PAFAH2: variants seen among roughly 807,000 people sequenced by gnomAD.
The protein encoded by PAFAH2 is platelet activating factor acetylhydrolase 2, also known as platelet-activating factor acetylhydrolase 2, cytoplasmic.
PAFAH2 carries 42 observed loss-of-function variants against 49.0 expected under a neutral mutation model. That is an observed-to-expected ratio of 0.86 (90% CI 0.67 to 1.11). PAFAH2 has a LOEUF of 1.11. Ranked by LOEUF, PAFAH2 falls within the 50% of genes least tolerant of loss-of-function variation. The probability of loss-of-function intolerance (pLI) is 0.00; values close to 1 mark genes in which losing one functional copy is unlikely to be tolerated. For synonymous variants in PAFAH2, 184 were observed against 181.3 expected (o/e 1.01, Z -0.12); for missense variants, 503 against 501.8 (o/e 1.00, Z -0.02).
At chr1:25,963,458 G>A (rs1234017399) in intron 10 of PAFAH2, among the ~76,000 whole-genome samples, 2 of 152,146 alleles carry the variant, frequency 1.3e-5, no homozygotes, top group East Asian at 3.9e-4. Flanking sequence ...CACTGGTGGT[G>A]GCCAGGGGTT....
chr1:25,993,324 T>C (rs2124372317), intron 1 of PAFAH2, among the ~76,000 whole-genome samples: 2 of 152,300 alleles, frequency 1.3e-5, no homozygotes, highest in Middle Eastern at 3.4e-3. Flanking sequence ...AAAGCATGTC[T>C]GGGTAAGAAG....
intron 10 of PAFAH2, among the ~76,000 whole-genome samples, chr1:25,968,323 AC>A (rs1275030962): frequency 1.3e-5 from 2 of 152,158 alleles, no homozygotes; most frequent in African/African-American, 4.8e-5. Flanking sequence ...AGCTGATTAT[AC>A]ACAGGAAGGT....
At chr1:25,997,656 AAGAGT>A (rs1258649497) in intron 1 of PAFAH2, 11 of 152,490 alleles carry the variant, frequency 7.2e-5, no homozygotes, top group Admixed American at 5.9e-4. Flanking sequence ...AACTGAGAGT[AAGAGT>A]AAAGTACACA....
intron 4 of PAFAH2, among the ~76,000 whole-genome samples, chr1:25,987,961 T>C (rs746188235): frequency 5.9e-5 from 9 of 152,030 alleles, no homozygotes; most frequent in Non-Finnish European, 8.8e-5. Flanking sequence ...GGCTATCACA[T>C]AGGAGGAAAG....
chr1:25,973,880 A>G (rs12080982), intron 9 of PAFAH2, among the ~76,000 whole-genome samples: 1,815 of 152,322 alleles, frequency 0.012, 32 homozygotes, highest in African/African-American at 0.041. Flanking sequence ...TCTGTGGCTC[A>G]ATATCACCTC....
At chr1:25,977,194 T>G (rs2049606195) in intron 7 of PAFAH2, among the ~76,000 whole-genome samples, 1 of 150,784 alleles carries the variant, frequency 6.6e-6, no homozygotes, top group Admixed American at 6.6e-5. Context: ...GGCTAATTTT[T>G]TGTATTTTTA....
intron 4 of PAFAH2, 95 bp from the exon 5 acceptor site, chr1:25,984,623 G>T: frequency 1.1e-6 from 1 of 935,688 alleles, no homozygotes; most frequent in Non-Finnish European, 1.7e-6. Context: ...CCATCTTGTG[G>T]AATTACCACA....
intron 1 of PAFAH2, among the ~76,000 whole-genome samples, chr1:25,991,975 T>C (rs1225302295): frequency 1.3e-5 from 2 of 152,160 alleles, no homozygotes; most frequent in Admixed American, 6.5e-5. Context: ...CTTCCCAAGT[T>C]ACCCAGTGGC....
intron 9 of PAFAH2, 48 bp from the exon 10 acceptor site, chr1:25,972,760 A>G (rs2049529691): frequency 6.2e-7 from 1 of 1,607,200 alleles, no homozygotes; most frequent in Non-Finnish European, 8.5e-7. Flanking sequence ...GCTAGGGCAT[A>G]CAGATGTGTG....
intron 4 of PAFAH2, among the ~76,000 whole-genome samples, chr1:25,985,466 C>T (rs183157276): frequency 3.9e-5 from 6 of 152,320 alleles, no homozygotes; most frequent in African/African-American, 1.4e-4. Flanking sequence ...TGGAATTTCA[C>T]TCTGGTTAAT....
intron 7 of PAFAH2, among the ~76,000 whole-genome samples, chr1:25,981,095 T>TA (rs1423863188): frequency 1.4e-4 from 21 of 152,210 alleles, no homozygotes; most frequent in African/African-American, 4.8e-5. Flanking sequence ...ACCCTGTCTC[T>TA]AAAAAAATTT....
In PAFAH2 at chr1:25,960,161, T is replaced by C. The variant is rs1304776901; in HGVS notation, c.*1828A>G. The C allele has an allele frequency of 2.0e-5, 3 of 152,206 alleles. No homozygotes were observed. The East Asian group carries it at 5.8e-4, about 29-fold the overall frequency. 9.4% of individuals were successfully genotyped at this position (152,206 alleles called of 1,614,324 possible). A position where few individuals can be genotyped will look rare whatever the true frequency, so the allele number is the denominator to read the frequency against. Reference sequence around the variant, plus strand: ...GCCCAGGGCTTTAATGATACCCTTCTTATGCTATGTCTCATGGGAATTCAA... The same window carrying C: ...GCCCAGGGCTTTAATGATACCCTTCCTATGCTATGTCTCATGGGAATTCAA... On this transcript the variant is annotated 3_prime_UTR_variant, in exon 11 of 11. Transcript: ENST00000374282.
chr1:25,967,306 G>A, intron 10 of PAFAH2, among the ~76,000 whole-genome samples: 1 of 152,176 alleles, frequency 6.6e-6, no homozygotes, highest in East Asian at 1.9e-4. Context: ...AACGAAGAAG[G>A]AAAAGAGTGC....
chr1:25,979,771 T>C (rs2049654770), intron 7 of PAFAH2, among the ~76,000 whole-genome samples: 1 of 152,156 alleles, frequency 6.6e-6, no homozygotes, highest in South Asian at 2.1e-4. Flanking sequence ...ATTACAGGCG[T>C]GAGCCACCAC....
intron 8 of PAFAH2, among the ~76,000 whole-genome samples, chr1:25,975,796 C>A (rs190642097): frequency 1.3e-5 from 2 of 152,332 alleles, no homozygotes; most frequent in African/African-American, 4.8e-5. Context: ...ACAATCCATT[C>A]TTCACATAGT....
chr1:25,964,804 A>G (rs1488737210), intron 10 of PAFAH2, among the ~76,000 whole-genome samples: 1 of 152,232 alleles, frequency 6.6e-6, no homozygotes, highest in Non-Finnish European at 1.5e-5. Flanking sequence ...ACACTCATGG[A>G]ATGGAAGAAT....
chr1:25,973,654 C>A (rs1188333980), intron 9 of PAFAH2, among the ~76,000 whole-genome samples: 2 of 152,138 alleles, frequency 1.3e-5, no homozygotes, highest in Non-Finnish European at 2.9e-5. Flanking sequence ...AGGGCCAGGA[C>A]CAAGATGAGC....
intron 8 of PAFAH2, among the ~76,000 whole-genome samples, chr1:25,975,396 A>G (rs1411045787): frequency 6.6e-6 from 1 of 151,928 alleles, no homozygotes; most frequent in Non-Finnish European, 1.5e-5. Flanking sequence ...TGGGCAACAT[A>G]GCAAGACACC....
intron 7 of PAFAH2, 38 bp downstream of exon 7, chr1:25,982,326 G>A (rs765846713): frequency 1.4e-6 from 2 of 1,438,358 alleles, no homozygotes; most frequent in East Asian, 2.3e-5. Context: ...AGAAAACCCT[G>A]AATACTGGGC....
Sources: gnomAD v4.1 joint callset for allele counts (sites outside exome capture counted in the v4.1 genomes callset) on GRCh38, gnomAD v4.1.1 for gene constraint, MANE v1.5 for transcripts, NCBI Gene and HGNC (gene_info 2026-07-23, HGNC 2026-07-21) for gene names.